Variants in CRACDL observed in about 807,000 individuals in gnomAD.
CRACDL encodes CRACD-like protein.
CRACDL carries 26 observed loss-of-function variants against 70.6 expected under a neutral mutation model. That is an observed-to-expected ratio of 0.37 (90% CI 0.27 to 0.51). CRACDL has a LOEUF of 0.51. CRACDL is among the 20% of genes least tolerant of loss of function. The probability of loss-of-function intolerance (pLI) is 0.94; values close to 1 mark genes in which losing one functional copy is unlikely to be tolerated. For synonymous variants in CRACDL, 618 were observed against 615.2 expected (o/e 1.00, Z -0.07); for missense variants, 1,283 against 1,376.9 (o/e 0.93, Z 1.08).
chr2:98,880,981 T>C (rs1291248347), intron 1 of CRACDL, among the ~76,000 whole-genome samples: 1 of 152,120 alleles, frequency 6.6e-6, no homozygotes, highest in Non-Finnish European at 1.5e-5. Flanking sequence ...TAAAACCCCC[T>C]GGAGAGGCCT....
intron 7 of CRACDL, among the ~76,000 whole-genome samples, chr2:98,814,179 T>G (rs1311974643): frequency 6.6e-6 from 1 of 152,134 alleles, no homozygotes; most frequent in Non-Finnish European, 1.5e-5. Context: ...TTTGCTCTTA[T>G]GTTTATTATT....
At chr2:98,860,774 A>G (rs1290318920) in intron 1 of CRACDL, among the ~76,000 whole-genome samples, 1 of 152,268 alleles carries the variant, frequency 6.6e-6, no homozygotes, top group Non-Finnish European at 1.5e-5. Flanking sequence ...TTTGACTTCA[A>G]CATTATAAGA....
intron 1 of CRACDL, among the ~76,000 whole-genome samples, chr2:98,881,659 A>T (rs187801392): frequency 6.6e-6 from 1 of 152,320 alleles, no homozygotes; most frequent in East Asian, 1.9e-4. Flanking sequence ...GGCGCCATGT[A>T]TATGCAAATG....
chr2:98,859,171 A>G (rs1706836283), intron 1 of CRACDL, among the ~76,000 whole-genome samples: 1 of 152,216 alleles, frequency 6.6e-6, no homozygotes, highest in African/African-American at 2.4e-5. Context: ...ACCCAAAGAC[A>G]TCACAATAAA....
chr2:98,841,522 C>T (rs776385724), intron 2 of CRACDL, among the ~76,000 whole-genome samples: 29 of 152,054 alleles, frequency 1.9e-4, no homozygotes, highest in Non-Finnish European at 2.6e-4. Flanking sequence ...AAAAAAACCT[C>T]GAAGTTATTT....
chr2:98,900,311 G>A (rs968848461), intron 1 of CRACDL, among the ~76,000 whole-genome samples: 2 of 145,114 alleles, frequency 1.4e-5, no homozygotes, highest in Admixed American at 1.4e-4. Context: ...CTCAGTAGGA[G>A]GGGAGGCAGG....
chr2:98,877,585 A>G (rs1268532137), intron 1 of CRACDL, among the ~76,000 whole-genome samples: 2 of 152,004 alleles, frequency 1.3e-5, no homozygotes, highest in Admixed American at 1.3e-4. Flanking sequence ...CGTTACTACT[A>G]AAAATACAAA....
intron 1 of CRACDL, chr2:98,897,375 A>G (rs1442619406): frequency 1.5e-6 from 2 of 1,303,686 alleles, no homozygotes; most frequent in Non-Finnish European, 1.0e-6. Flanking sequence ...CTTAGCACCT[A>G]CCTTTTATCT....
chr2:98,821,093 G>A (rs550808906), intron 7 of CRACDL, among the ~76,000 whole-genome samples: 1 of 152,128 alleles, frequency 6.6e-6, no homozygotes, highest in Non-Finnish European at 1.5e-5. Context: ...CAGTTTTTAC[G>A]TTTCTCTTTA....
At position 98,911,430 on chromosome 2, in the gene CRACDL, C is replaced by T. The variant is rs185350555; in HGVS notation, c.-11+24508G>A. On this transcript the variant is annotated intron_variant, in intron 1 of 9. Transcript: ENST00000397899. ...ACATGCCACGGATTACATCAGGCTC[C>T]GCAGGGACAAGGCTGAGGGCAGCAA... 1.1e-3 allele frequency among the ~76,000 whole-genome samples: 165 copies of T among 152,300 alleles called. 1 individual carries two copies. Among genetic ancestry groups the T allele is most frequent in the African/African-American group, 3.8e-3 (159 of 41,558 alleles).
rs534374492 is a variant in CRACDL, at chr2:98,885,917, G to A, written c.-10-39107C>T. 1.5e-4 allele frequency among the ~76,000 whole-genome samples: 18 copies of A among 117,408 alleles called. 1 individual carries two copies. The South Asian group carries it at 4.1e-3, about 27-fold the overall frequency. 77.0% of individuals were successfully genotyped at this position (117,408 alleles called of 152,430 possible). On this transcript the variant is annotated intron_variant, in intron 1 of 9. Transcript: ENST00000397899. ...CCCCATGAAAATAATGAGAAAACTGGTTAAAAAAAAAAAAGGTCAGAATGA... is the reference window on the plus strand; with the variant it reads ...CCCCATGAAAATAATGAGAAAACTGATTAAAAAAAAAAAAGGTCAGAATGA...
chr2:98,933,151 CCG>C (rs1295758848), intron 1 of CRACDL, among the ~76,000 whole-genome samples: 1 of 152,190 alleles, frequency 6.6e-6, no homozygotes, highest in Non-Finnish European at 1.5e-5. Flanking sequence ...AGCCAGGTCC[CCG>C]CTGTGGCTCA....
chr2:98,927,126 C>A (rs1231343112), intron 1 of CRACDL, among the ~76,000 whole-genome samples: 1 of 152,220 alleles, frequency 6.6e-6, no homozygotes, highest in Non-Finnish European at 1.5e-5. Context: ...CGTCAAGAGG[C>A]CCCACTATGG....
At chr2:98,866,998 T>C (rs1210444125) in intron 1 of CRACDL, among the ~76,000 whole-genome samples, 2 of 152,096 alleles carry the variant, frequency 1.3e-5, no homozygotes, top group Non-Finnish European at 2.9e-5. Context: ...AGTAAAGGAA[T>C]ATAGAAGCAG....
At chr2:98,907,802 A>G (rs1245712039) in intron 1 of CRACDL, among the ~76,000 whole-genome samples, 1 of 152,238 alleles carries the variant, frequency 6.6e-6, no homozygotes, top group Non-Finnish European at 1.5e-5. Flanking sequence ...TCATTATGCC[A>G]TCATGTCTGG....
At chr2:98,886,656 C>A (rs1397663277) in intron 1 of CRACDL, among the ~76,000 whole-genome samples, 1 of 152,194 alleles carries the variant, frequency 6.6e-6, no homozygotes, top group African/African-American at 2.4e-5. Flanking sequence ...AAATCTCAGT[C>A]TGATCATTAG....
chr2:98,878,556 G>A (rs1345577811), intron 1 of CRACDL, among the ~76,000 whole-genome samples: 1 of 152,214 alleles, frequency 6.6e-6, no homozygotes, highest in African/African-American at 2.4e-5. Context: ...ACATGTTCCT[G>A]CTATTAAGTG....
intron 1 of CRACDL, among the ~76,000 whole-genome samples, chr2:98,896,919 G>A (rs1055614538): frequency 6.6e-6 from 1 of 152,104 alleles, no homozygotes; most frequent in African/African-American, 2.4e-5. Context: ...GACACCCCTG[G>A]CAGGCATTGC....
intron 1 of CRACDL, among the ~76,000 whole-genome samples, chr2:98,849,534 C>T (rs755813681): frequency 2.6e-5 from 4 of 151,406 alleles, no homozygotes; most frequent in Non-Finnish European, 4.4e-5. Flanking sequence ...GAAAGCTGCA[C>T]GGGGCAGAGG....
Sources: gnomAD v4.1 joint callset for allele counts (sites outside exome capture counted in the v4.1 genomes callset) on GRCh38, gnomAD v4.1.1 for gene constraint, MANE v1.5 for transcripts, NCBI Gene and HGNC (gene_info 2026-07-23, HGNC 2026-07-21) for gene names.